Variants in HNF4G observed in about 807,000 individuals in gnomAD.
HNF4G encodes hepatocyte nuclear factor 4 gamma, also known as hepatocyte nuclear factor 4-gamma.
In HNF4G, 21 loss-of-function variants were observed where a neutral mutation model predicts 50.9. The observed-to-expected ratio is 0.41, with a 90% CI of 0.29 to 0.59. The LOEUF (loss-of-function observed/expected upper bound fraction) is 0.59, where lower values mean the gene tolerates loss of function less well. Ranked by LOEUF, HNF4G falls within the 20% of genes least tolerant of loss-of-function variation. HNF4G has a pLI of 0.26. For synonymous variants in HNF4G, 198 were observed against 185.6 expected (o/e 1.07, Z -0.54); for missense variants, 527 against 559.4 (o/e 0.94, Z 0.58).
Position 75,558,911 on chromosome 8 carries a change from G to A in HNF4G, c.997G>A (p.Gly333Arg). 1.9e-6 allele frequency: 3 copies of A among 1,614,026 alleles called. No individual in the cohort carries two copies. The highest frequency in any genetic ancestry group is 2.5e-6 in the Non-Finnish European group (3 of 1,179,916). ...GCAGTATGACTCCCGGGGGAGGTTT[G>A]GAGAGTTGCTTCTGCTCCTGCCCAC... The part of the protein sequence containing the change: ...DRQYDSRGRF[G>R]ELLLLLPTLQ... Residue 333 changes from glycine (G) to arginine (R), a missense_variant, in exon 8 of 10, where the codon GGA becomes AGA. By Grantham distance (125) the Gly-to-Arg change is moderately radical. Coordinates refer to ENST00000396423, the MANE Select transcript of HNF4G (RefSeq NM_004133.5).
chr8:75,433,106 A>G (rs1477925917), intron 1 of HNF4G, among the ~76,000 whole-genome samples: 1 of 152,150 alleles, frequency 6.6e-6, no homozygotes, highest in Non-Finnish European at 1.5e-5. Context: ...TCTGACCCAT[A>G]GAAGCTATAA....
chr8:75,496,804 C>CTATATATATA (rs71567120), intron 2 of HNF4G, among the ~76,000 whole-genome samples: 1 of 148,286 alleles, frequency 6.7e-6, no homozygotes, highest in African/African-American at 2.5e-5. Context: ...TACATTATTA[C>CTATATATATA]TATATATATA....
At chr8:75,494,558 T>C (rs1428141961) in intron 2 of HNF4G, among the ~76,000 whole-genome samples, 1 of 152,158 alleles carries the variant, frequency 6.6e-6, no homozygotes, top group East Asian at 1.9e-4. Context: ...AAATAAAGAT[T>C]ACACATTAAA....
chr8:75,507,125 A>G (rs543981459), intron 2 of HNF4G, among the ~76,000 whole-genome samples: 3 of 152,314 alleles, frequency 2.0e-5, no homozygotes, highest in Admixed American at 2.0e-4. Flanking sequence ...CATATAGATT[A>G]TATGTAAGAA....
intron 1 of HNF4G, among the ~76,000 whole-genome samples, chr8:75,421,799 C>T (rs1810781516): frequency 6.6e-6 from 1 of 152,246 alleles, no homozygotes; most frequent in African/African-American, 2.4e-5. Context: ...CTAGTAGAGG[C>T]CACTGCTGGC....
chr8:75,554,224 C>T (rs1361255784), intron 5 of HNF4G, among the ~76,000 whole-genome samples: 1 of 152,040 alleles, frequency 6.6e-6, no homozygotes, highest in Non-Finnish European at 1.5e-5. Context: ...CGCTAAATTG[C>T]TAAAACCTAC....
intron 1 of HNF4G, among the ~76,000 whole-genome samples, chr8:75,409,921 G>A (rs1810460593): frequency 6.6e-6 from 1 of 152,102 alleles, no homozygotes; most frequent in Non-Finnish European, 1.5e-5. Flanking sequence ...TGTAACTTCT[G>A]TTGATGTTTG....
At chr8:75,496,599 T>C (rs780226867) in intron 2 of HNF4G, among the ~76,000 whole-genome samples, 1 of 152,074 alleles carries the variant, frequency 6.6e-6, no homozygotes, top group Non-Finnish European at 1.5e-5. Flanking sequence ...ATCTTGCATC[T>C]CTTCTTACCA....
chr8:75,455,676 C>A (rs1034531371), intron 1 of HNF4G, among the ~76,000 whole-genome samples: 3 of 152,134 alleles, frequency 2.0e-5, no homozygotes, highest in African/African-American at 7.2e-5. Flanking sequence ...TCCATAATAT[C>A]ATTGAATTAG....
At chr8:75,416,046 G>A (rs1238806727) in intron 1 of HNF4G, among the ~76,000 whole-genome samples, 7 of 152,134 alleles carry the variant, frequency 4.6e-5, no homozygotes, top group Non-Finnish European at 1.0e-4. Context: ...ATTTTTTTTA[G>A]TTGTCTTTTA....
At chr8:75,412,215 T>G (rs1413664912) in intron 1 of HNF4G, among the ~76,000 whole-genome samples, 1 of 152,224 alleles carries the variant, frequency 6.6e-6, no homozygotes, top group Non-Finnish European at 1.5e-5. Flanking sequence ...AGCTAAGCAG[T>G]GTAGAGAAAA....
chr8:75,448,117 G>C (rs1811469935), intron 1 of HNF4G, among the ~76,000 whole-genome samples: 1 of 113,512 alleles, frequency 8.8e-6, no homozygotes, highest in South Asian at 3.4e-4. Flanking sequence ...AAAATGATGA[G>C]TTCATATCCT....
chr8:75,473,659 C>T (rs1054696810), intron 1 of HNF4G, among the ~76,000 whole-genome samples: 9 of 152,190 alleles, frequency 5.9e-5, no homozygotes, highest in Admixed American at 2.0e-4. Context: ...CTCCATCATC[C>T]ACAATAAGAT....
At chr8:75,457,011 C>T (rs777630504) in intron 1 of HNF4G, among the ~76,000 whole-genome samples, 1 of 152,158 alleles carries the variant, frequency 6.6e-6, no homozygotes, top group Non-Finnish European at 1.5e-5. Context: ...TCCCAAAGTA[C>T]TAAGATAAGG....
At chr8:75,494,730 A>G (rs1037767095) in intron 2 of HNF4G, among the ~76,000 whole-genome samples, 3 of 152,128 alleles carry the variant, frequency 2.0e-5, no homozygotes, top group Non-Finnish European at 4.4e-5. Flanking sequence ...ATTTGAAAGG[A>G]TTAACTTTTA....
Position 75,449,092 on chromosome 8 carries a change from C to G in HNF4G, c.-144+40930C>G, listed in dbSNP as rs73343033. Among the ~76,000 whole-genome samples, 1,108 of 152,192 alleles carry G rather than the reference C, an allele frequency of 7.3e-3. 11 individuals carry two copies. Among genetic ancestry groups the G allele is most frequent in the African/African-American group, 0.025 (1,042 of 41,542 alleles). ...AGTTGTTTAAATAAAATAGAAGTTT[C>G]TTTCTCATGTAACAACACCAAAGTC... On this transcript the variant is annotated intron_variant, in intron 1 of 10. Transcript: ENST00000354370.
intron 2 of HNF4G, among the ~76,000 whole-genome samples, chr8:75,529,148 G>A (rs145761172): frequency 0.026 from 3,939 of 152,232 alleles, 83 homozygotes; most frequent in Non-Finnish European, 0.039. Flanking sequence ...AAAATTAGCT[G>A]GGAGTGGTGG....
Position 75,558,915 on chromosome 8 carries a change from A to G in HNF4G, c.1001A>G (p.Glu334Gly), listed in dbSNP as rs141373967. 486 of 1,613,908 alleles carry G rather than the reference A, an allele frequency of 3.0e-4. No individual in the cohort carries two copies. The highest frequency in any genetic ancestry group is 3.4e-4 in the Non-Finnish European group (407 of 1,179,934). The change falls in exon 8 of 10, where the codon GAG becomes GGG. Residue 334 changes from glutamate (E) to glycine (G), a missense_variant. By Grantham distance (98) the Glu-to-Gly change is moderately conservative. This residue lies in a region of HNF4G where 308 missense variants were observed against 301.5 expected (regional missense o/e 1.02). Transcript: ENST00000396423. ...RQYDSRGRFG[E>G]LLLLLPTLQS... ...TATGACTCCCGGGGGAGGTTTGGAG[A>G]GTTGCTTCTGCTCCTGCCCACACTG...
Position 75,486,923 on chromosome 8 carries a change from G to A in HNF4G, c.-143-3166G>A, listed in dbSNP as rs961162798. Among the ~76,000 whole-genome samples, 6 of 152,088 alleles carry A rather than the reference G, an allele frequency of 3.9e-5. No homozygotes were observed. In the South Asian group the frequency reaches 1.2e-3, roughly 32 times the overall value. ...AAGCTGAGGCAGGAGGATCACTTGA[G>A]CCTGGGAGATCGAGGCGGCAGTGAG... On this transcript the variant is annotated intron_variant, in intron 1 of 10. Transcript: ENST00000354370.
Sources: gnomAD v4.1 joint callset for allele counts (sites outside exome capture counted in the v4.1 genomes callset) on GRCh38, gnomAD v4.1.1 for gene constraint, gnomAD v4.1.1 regional missense constraint, MANE v1.5 for transcripts, NCBI Gene and HGNC (gene_info 2026-07-23, HGNC 2026-07-21) for gene names.